The following NOC3L variants were observed in gnomAD, a reference collection of about 807,000 sequenced individuals.
NOC3L encodes NOC3 like DNA replication regulator.
NOC3L carries 85 observed loss-of-function variants against 102.5 expected under a neutral mutation model. The ratio of observed to expected loss-of-function variants is 0.83; its 90% CI spans 0.70 to 0.99. The LOEUF (loss-of-function observed/expected upper bound fraction) is 0.99. Among genes scored for constraint, NOC3L ranks in the 50% least tolerant of loss-of-function variants. NOC3L has a pLI of 0.00. For missense variants in NOC3L, 878 were observed against 914.9 expected, an observed-to-expected ratio of 0.96 and a Z score of 0.52; for synonymous variants, 303 against 309.4, an observed-to-expected ratio of 0.98 and a Z score of 0.22.
downstream of NOC3L, chr10:94,329,776 C>CAAAAAAAAAAAAAAAAAAA (rs71031569): frequency 1.1e-4 from 4 of 37,948 alleles, 1 homozygote; most frequent in Non-Finnish European, 1.4e-4. Flanking sequence ...GACTCCGTCT[C>CAAAAAAAAAAAAAAAAAAA]AAAAAAAAAA....
intron 14 of NOC3L, among the ~76,000 whole-genome samples, chr10:94,340,938 G>A (rs374520885): frequency 1.1e-4 from 16 of 146,800 alleles, no homozygotes; most frequent in African/African-American, 2.8e-4. Context: ...CCGAGATCAC[G>A]CCACTGCACT....
Position 94,346,512 on chromosome 10 carries a change from C to A in NOC3L, c.1302G>T (p.Val434=), listed in dbSNP as rs1349535777. ...TATTAATGTCTTCTGTATCTTTTTTCACTTCTACTTCCTTGATTCTTAGGC... is the reference window on the plus strand; with the variant it reads ...TATTAATGTCTTCTGTATCTTTTTTAACTTCTACTTCCTTGATTCTTAGGC... The part of the protein sequence containing the change: ...FLCLRIKEVE[V]KKDTEDINKP... The change falls in exon 11 of 21, where the codon GTG becomes GTT. Residue 434 remains valine, a synonymous_variant. Coordinates refer to ENST00000371361, the MANE Select transcript of NOC3L (RefSeq NM_022451.11). The A allele has an allele frequency of 6.9e-7, 1 of 1,457,568 alleles. No homozygotes were observed. Among genetic ancestry groups the A allele is most frequent in the Non-Finnish European group, 9.2e-7 (1 of 1,084,202 alleles). 90.3% of individuals were successfully genotyped at this position (1,457,568 alleles called of 1,614,324 possible).
At chr10:94,353,809 T>C (rs563207649) in intron 6 of NOC3L, among the ~76,000 whole-genome samples, 1 of 152,358 alleles carries the variant, frequency 6.6e-6, no homozygotes, top group South Asian at 2.1e-4. Context: ...AAATGTTATA[T>C]ACATTAACCA....
At chr10:94,355,539 C>A (rs1290555967) in intron 5 of NOC3L, among the ~76,000 whole-genome samples, 1 of 151,582 alleles carries the variant, frequency 6.6e-6, no homozygotes, top group Non-Finnish European at 1.5e-5. Context: ...CATAGGTGAG[C>A]CACAATACCC....
the NOC3L span, chr10:94,328,128 C>A: frequency 8.7e-6 from 3 of 346,720 alleles, no homozygotes; most frequent in African/African-American, 6.4e-5. Context: ...CTAGTTGCCA[C>A]CAACCAATTT....
At chr10:94,323,727 T>C in the NOC3L span, among the ~76,000 whole-genome samples, 1 of 152,240 alleles carries the variant, frequency 6.6e-6, no homozygotes, top group East Asian at 1.9e-4. Context: ...CAACTGACTT[T>C]GAATTCCAAA....
Position 94,340,508 on chromosome 10 carries a change from AAAG to A in NOC3L, c.1645-15_1645-13del. On this transcript the variant is annotated splice_polypyrimidine_tract_variant and intron_variant, in intron 14 of 20. Coordinates refer to ENST00000371361, the MANE Select transcript of NOC3L (RefSeq NM_022451.11). Reference sequence around the variant, plus strand: ...TGATAGCTTAGGTCCTTTAAAAAAAAAAGGGGGGGGTGAGGGGGATGGAATATT... The same window carrying A: ...TGATAGCTTAGGTCCTTTAAAAAAAAGGGGGGGTGAGGGGGATGGAATATT... 5 of 1,115,336 alleles carry A rather than the reference AAAG, an allele frequency of 4.5e-6. No individual in the cohort carries two copies. The highest frequency in any genetic ancestry group is 1.9e-5 in the Admixed American group (1 of 52,458). 69.1% of individuals were successfully genotyped at this position (1,115,336 alleles called of 1,614,324 possible). A position where few individuals can be genotyped will look rare whatever the true frequency, so the allele number is the denominator to read the frequency against.
chr10:94,325,296 C>G, the NOC3L span: 2 of 546,172 alleles, frequency 3.7e-6, no homozygotes, highest in East Asian at 6.6e-5. Context: ...TGAACACCGC[C>G]TATAAAGAAA....
At chr10:94,334,550 A>C (rs969780755) in intron 20 of NOC3L, 84 bp downstream of exon 20, 11 of 1,034,408 alleles carry the variant, frequency 1.1e-5, no homozygotes, top group African/African-American at 3.3e-5. Context: ...CTACCTATAA[A>C]ATAATTAAGC....
At chr10:94,321,469 T>C in the NOC3L span, among the ~76,000 whole-genome samples, 1 of 151,994 alleles carries the variant, frequency 6.6e-6, no homozygotes, top group South Asian at 2.1e-4. Flanking sequence ...CTGTCTCTAT[T>C]AAAAATACAA....
chr10:94,351,320 G>T (rs1263632219), intron 8 of NOC3L, among the ~76,000 whole-genome samples: 1 of 151,838 alleles, frequency 6.6e-6, no homozygotes, highest in Non-Finnish European at 1.5e-5. Flanking sequence ...ACAGCAATGG[G>T]TGATCTTAGT....
intron 2 of NOC3L, among the ~76,000 whole-genome samples, chr10:94,360,343 G>T (rs1313719789): frequency 6.6e-6 from 1 of 151,692 alleles, no homozygotes; most frequent in Non-Finnish European, 1.5e-5. Flanking sequence ...AATAATAAAA[G>T]AAAATATGGT....
chr10:94,337,018 G>A (rs1325197708), intron 19 of NOC3L, among the ~76,000 whole-genome samples: 2 of 145,390 alleles, frequency 1.4e-5, no homozygotes, highest in African/African-American at 5.2e-5. Context: ...GCAGTGAGCC[G>A]AAATTGCGCC....
Position 94,352,346 on chromosome 10 carries a change from T to C in NOC3L, c.916A>G (p.Lys306Glu), listed in dbSNP as rs1349287131. 1 of 1,613,780 alleles carries C rather than the reference T, an allele frequency of 6.2e-7. No individual in the cohort carries two copies. The highest frequency in any genetic ancestry group is 8.5e-7 in the Non-Finnish European group (1 of 1,179,792). ...EFEEGLVSQY[K>E]FYLENLEQMV... Reference sequence around the variant, plus strand: ...TGTTCCAGATTTTCCAAATAAAACTTGTATTGGCTAACCAGGCCTTCTTCA... The same window carrying C: ...TGTTCCAGATTTTCCAAATAAAACTCGTATTGGCTAACCAGGCCTTCTTCA... The change falls in exon 8 of 21, where the codon AAG (lysine) becomes GAG (glutamate). Residue 306 changes from lysine to glutamate, a missense_variant. Transcript: ENST00000371361.
At chr10:94,351,051 C>T (rs1053774852) in intron 8 of NOC3L, among the ~76,000 whole-genome samples, 6 of 151,742 alleles carry the variant, frequency 4.0e-5, no homozygotes, top group Non-Finnish European at 8.8e-5. Context: ...TTTTAAATGA[C>T]ATATGTGGCT....
chr10:94,345,405 C>G (rs1353436859), intron 11 of NOC3L, among the ~76,000 whole-genome samples: 1 of 152,010 alleles, frequency 6.6e-6, no homozygotes, highest in Non-Finnish European at 1.5e-5. Context: ...CATTTACATA[C>G]AATGCATAAA....
Position 94,339,927 on chromosome 10 carries a change from C to T in NOC3L, c.1781-7G>A. On this transcript the variant is annotated splice_polypyrimidine_tract_variant and splice_region_variant and intron_variant, in intron 16 of 20. Coordinates refer to ENST00000371361, the MANE Select transcript of NOC3L (RefSeq NM_022451.11). The stretch of plus-strand genomic sequence containing the variant: ...ACACCTTCATTGGTAGCACCTAAAA[C>T]AGCAGACATATTCTTCAGAGCTGTT... 1 of 1,610,778 alleles carries T rather than the reference C, an allele frequency of 6.2e-7. No homozygotes were observed. Among genetic ancestry groups the T allele is most frequent in the Non-Finnish European group, 8.5e-7 (1 of 1,178,038 alleles).
chr10:94,346,155 T>A (rs907388329), intron 11 of NOC3L, among the ~76,000 whole-genome samples: 4 of 152,260 alleles, frequency 2.6e-5, no homozygotes, highest in Non-Finnish European at 4.4e-5. Context: ...GTATCATAAC[T>A]CTAAATTGAT....
chr10:94,352,518 CAAAA>C (rs1452698324), intron 7 of NOC3L, 115 bp from the exon 8 acceptor site: 15 of 700,882 alleles, frequency 2.1e-5, no homozygotes, highest in Non-Finnish European at 4.8e-6. Flanking sequence ...AAACAAAAAA[CAAAA>C]AACGCGGCAG....
Sources: allele counts gnomAD v4.1 joint callset (sites outside exome capture counted in the v4.1 genomes callset), GRCh38; gene constraint gnomAD v4.1.1; transcripts MANE v1.5; gene names NCBI Gene and HGNC (gene_info 2026-07-23, HGNC 2026-07-21).